Variants in ERBB4 observed in about 807,000 individuals in gnomAD.
ERBB4 encodes the protein receptor tyrosine-protein kinase erbB-4.
In ERBB4, 42 loss-of-function variants were observed where a neutral mutation model predicts 158.0. That is an observed-to-expected ratio of 0.27 (90% CI 0.21 to 0.34). ERBB4 has a LOEUF of 0.34. Ranked by LOEUF, ERBB4 falls within the 10% of genes least tolerant of loss-of-function variation. The probability of loss-of-function intolerance (pLI) is 1.00; values close to 1 mark genes in which losing one functional copy is unlikely to be tolerated. For missense variants in ERBB4, 1,333 were observed against 1,624.1 expected (o/e 0.82, Z 3.08); for synonymous variants, 583 against 558.7 (o/e 1.04, Z -0.61).
At chr2:211,881,767 A>G (rs1157559878) in intron 3 of ERBB4, among the ~76,000 whole-genome samples, 1 of 152,154 alleles carries the variant, frequency 6.6e-6, no homozygotes, top group Non-Finnish European at 1.5e-5. Context: ...TCTCTGTAGC[A>G]GAGAGCTATT....
At chr2:211,697,154 T>G (rs1312531670) in intron 12 of ERBB4, among the ~76,000 whole-genome samples, 1 of 152,188 alleles carries the variant, frequency 6.6e-6, no homozygotes, top group African/African-American at 2.4e-5. Flanking sequence ...ACAGGGTGGT[T>G]GTAATAACTA....
At chr2:212,379,423 G>T (rs1457307445) in intron 1 of ERBB4, among the ~76,000 whole-genome samples, 4 of 151,534 alleles carry the variant, frequency 2.6e-5, no homozygotes, top group Non-Finnish European at 5.9e-5. Context: ...AATTTGTAAT[G>T]TACCATATAT....
At chr2:211,736,006 A>G (rs944772925) in intron 5 of ERBB4, among the ~76,000 whole-genome samples, 1 of 151,814 alleles carries the variant, frequency 6.6e-6, no homozygotes, top group Admixed American at 6.6e-5. Context: ...GAAAAAAGGA[A>G]AAACAAAATA....
chr2:212,456,934 T>TTA (rs1393629268), intron 1 of ERBB4, among the ~76,000 whole-genome samples: 2 of 152,090 alleles, frequency 1.3e-5, no homozygotes, highest in East Asian at 3.9e-4. Context: ...ACATGTTCTA[T>TTA]TATACTTAAG....
intron 20 of ERBB4, among the ~76,000 whole-genome samples, chr2:211,524,031 G>T (rs2066265453): frequency 6.6e-6 from 1 of 152,102 alleles, no homozygotes; most frequent in African/African-American, 2.4e-5. Context: ...GATACAGAGT[G>T]TTGATTGGTG....
intron 20 of ERBB4, among the ~76,000 whole-genome samples, chr2:211,478,337 A>G (rs2065005999): frequency 6.6e-6 from 1 of 152,170 alleles, no homozygotes; most frequent in African/African-American, 2.4e-5. Flanking sequence ...GAAAAAAGTG[A>G]TAGTATAGTT....
chr2:211,433,260 C>CAATT (rs894689765), intron 20 of ERBB4, among the ~76,000 whole-genome samples: 36 of 152,238 alleles, frequency 2.4e-4, no homozygotes, highest in African/African-American at 8.2e-4. Context: ...ATGCAGTATA[C>CAATT]AATTAGGTGA....
chr2:211,718,177 G>T (rs1351199693), intron 7 of ERBB4, among the ~76,000 whole-genome samples: 4 of 152,086 alleles, frequency 2.6e-5, no homozygotes, highest in Non-Finnish European at 5.9e-5. Context: ...CTTCCAAAGT[G>T]TTGGGATTAC....
chr2:211,378,272 C>T lies in ERBB4; in HGVS notation c.*5343G>A, dbSNP rs186951494. ...CCAGAGGAAGCATGTGAATACCCCCCGTGAAATTGGGGCTTAGAGTCATTT... is the reference window on the plus strand; with the variant it reads ...CCAGAGGAAGCATGTGAATACCCCCTGTGAAATTGGGGCTTAGAGTCATTT... On this transcript the variant is annotated 3_prime_UTR_variant, in exon 28 of 28. Transcript: ENST00000342788. 7 of 232,828 alleles carry T rather than the reference C, an allele frequency of 3.0e-5. No homozygotes were observed. Among genetic ancestry groups the T allele is most frequent in the Admixed American group, 2.3e-4 (4 of 17,760 alleles). 14.4% of individuals were successfully genotyped at this position (232,828 alleles called of 1,614,324 possible).
At chr2:212,089,891 A>C (rs1019005915) in intron 2 of ERBB4, among the ~76,000 whole-genome samples, 1 of 152,128 alleles carries the variant, frequency 6.6e-6, no homozygotes, top group Admixed American at 6.6e-5. Flanking sequence ...GAGTATTTTA[A>C]TTGTTCTGAA....
intron 1 of ERBB4, among the ~76,000 whole-genome samples, chr2:212,324,923 T>TAC (rs1404011289): frequency 6.6e-6 from 1 of 150,418 alleles, no homozygotes; most frequent in African/African-American, 2.4e-5. Flanking sequence ...TAAAGAAAAG[T>TAC]ACACAAGTCA....
chr2:211,705,285 T>A, intron 10 of ERBB4, 33 bp downstream of exon 10: 2 of 1,422,030 alleles, frequency 1.4e-6, no homozygotes, highest in Non-Finnish European at 2.0e-6. Context: ...ATTATATTGT[T>A]CATAGCGCAA....
intron 1 of ERBB4, among the ~76,000 whole-genome samples, chr2:212,422,161 T>C (rs1388274819): frequency 3.9e-5 from 6 of 152,156 alleles, no homozygotes; most frequent in Admixed American, 3.9e-4. Context: ...CATCTGTCCT[T>C]AATATTTCCT....
chr2:212,052,592 T>C (rs1051936598), intron 2 of ERBB4, among the ~76,000 whole-genome samples: 9 of 152,218 alleles, frequency 5.9e-5, no homozygotes, highest in Admixed American at 5.9e-4. Context: ...ACCAGCCCAG[T>C]TGTCCAATAG....
intron 2 of ERBB4, among the ~76,000 whole-genome samples, chr2:212,073,284 T>C (rs1305336340): frequency 6.6e-6 from 1 of 152,026 alleles, no homozygotes; most frequent in East Asian, 1.9e-4. Flanking sequence ...AAGATGCATT[T>C]GTGTCATGGG....
chr2:211,692,638 A>G (rs563556561), intron 12 of ERBB4, among the ~76,000 whole-genome samples: 21 of 152,152 alleles, frequency 1.4e-4, no homozygotes, highest in African/African-American at 4.6e-4. Flanking sequence ...CTTTGCTTCC[A>G]TGGTCCCATC....
At chr2:212,475,151 C>T (rs1245523314) in intron 1 of ERBB4, among the ~76,000 whole-genome samples, 1 of 152,130 alleles carries the variant, frequency 6.6e-6, no homozygotes, top group African/African-American at 2.4e-5. Flanking sequence ...TAGTCTACAT[C>T]TCCAACTTAC....
chr2:211,914,282 C>A (rs2079626053), intron 3 of ERBB4, among the ~76,000 whole-genome samples: 1 of 133,176 alleles, frequency 7.5e-6, no homozygotes, highest in African/African-American at 3.1e-5. Flanking sequence ...CAAACATCAG[C>A]TTCTCTTTGC....
At chr2:211,849,669 A>G (rs1216225479) in intron 3 of ERBB4, among the ~76,000 whole-genome samples, 1 of 151,954 alleles carries the variant, frequency 6.6e-6, no homozygotes, top group Non-Finnish European at 1.5e-5. Context: ...TTTTAAGGCA[A>G]TATTTGGTTT....
Sources: gnomAD v4.1 joint callset for allele counts (sites outside exome capture counted in the v4.1 genomes callset) on GRCh38, gnomAD v4.1.1 for gene constraint, MANE v1.5 for transcripts, NCBI Gene and HGNC (gene_info 2026-07-23, HGNC 2026-07-21) for gene names.